The following DNAAF10 variants were observed in gnomAD, a reference collection of about 807,000 sequenced individuals.
The protein encoded by DNAAF10 is WD repeat domain 92.
A neutral mutation model predicts 43.7 loss-of-function variants in DNAAF10; 28 were observed. The ratio of observed to expected loss-of-function variants is 0.64; its 90% CI spans 0.48 to 0.88. The LOEUF (loss-of-function observed/expected upper bound fraction) is 0.88, where lower values mean the gene tolerates loss of function less well. Ranked by LOEUF, DNAAF10 falls within the 40% of genes least tolerant of loss-of-function variation. DNAAF10 has a pLI of 0.00. For missense variants in DNAAF10, 403 were observed against 439.1 expected, an observed-to-expected ratio of 0.92 and a Z score of 0.73; for synonymous variants, 156 against 157.3, an observed-to-expected ratio of 0.99 and a Z score of 0.06.
chr2:68,148,546 C>T (rs933935742), intron 1 of DNAAF10, among the ~76,000 whole-genome samples: 2 of 152,130 alleles, frequency 1.3e-5, no homozygotes, highest in Admixed American at 6.6e-5. Flanking sequence ...CCCCTCCCGC[C>T]GCCAACTCTA....
intron 1 of DNAAF10, among the ~76,000 whole-genome samples, chr2:68,156,299 G>A (rs762142238): frequency 6.6e-6 from 1 of 152,012 alleles, no homozygotes; most frequent in Non-Finnish European, 1.5e-5. Flanking sequence ...TTATCTACCA[G>A]TTTAATCCCT....
intron 1 of DNAAF10, among the ~76,000 whole-genome samples, chr2:68,155,780 G>C (rs2103645416): frequency 1.3e-5 from 2 of 151,838 alleles, no homozygotes; most frequent in South Asian, 4.2e-4. Flanking sequence ...TCATACATTA[G>C]ATAATCTGAA....
At position 68,137,445 on chromosome 2, in the gene DNAAF10, G is replaced by T; in HGVS notation, c.634-12C>A. On this transcript the variant is annotated splice_polypyrimidine_tract_variant and intron_variant, in intron 5 of 7. Transcript: ENST00000295121. ...TCCAAGCTACACACCTGAAAACAGA[G>T]AATACTTATTATTGGTAGTCTCACC... 6.2e-7 allele frequency: 1 copy of T among 1,602,456 alleles called. No individual in the cohort carries two copies. Among genetic ancestry groups the T allele is most frequent in the South Asian group, 1.1e-5 (1 of 89,050 alleles).
At chr2:68,157,195 G>C in intron 1 of DNAAF10, 66 bp downstream of exon 1, 6 of 1,540,502 alleles carry the variant, frequency 3.9e-6, no homozygotes, top group Admixed American at 2.0e-5. Flanking sequence ...CTGGCAAAGA[G>C]GAATGCAGAC....
intron 7 of DNAAF10, among the ~76,000 whole-genome samples, chr2:68,133,131 G>C (rs1174780063): frequency 6.6e-6 from 1 of 152,178 alleles, no homozygotes; most frequent in Non-Finnish European, 1.5e-5. Flanking sequence ...GCTAGAAGAA[G>C]GGAAAGTAGC....
chr2:68,138,219 T>C lies in DNAAF10; in HGVS notation c.633+523A>G, dbSNP rs932845101. On this transcript the variant is annotated intron_variant, in intron 5 of 7. Transcript: ENST00000295121. ...ACAAACAAAAAACCCATTTTTTTTT[T>C]CCATTAGTAAGATCAACAAAACAAT... is the stretch of plus-strand genomic sequence containing the variant. Among the ~76,000 whole-genome samples, 23 of 152,202 alleles carry C rather than the reference T, an allele frequency of 1.5e-4. 1 individual carries two copies. Among genetic ancestry groups the C allele is most frequent in the Admixed American group, 1.3e-3 (20 of 15,284 alleles).
At chr2:68,154,450 G>A (rs999087157) in intron 1 of DNAAF10, among the ~76,000 whole-genome samples, 7 of 151,908 alleles carry the variant, frequency 4.6e-5, no homozygotes, top group Non-Finnish European at 1.0e-4. Flanking sequence ...GTTTCACCGT[G>A]TTAGCCAGGA....
chr2:68,153,145 C>G (rs1673495808), intron 1 of DNAAF10, among the ~76,000 whole-genome samples: 1 of 152,112 alleles, frequency 6.6e-6, no homozygotes, highest in Non-Finnish European at 1.5e-5. Context: ...TTAGCTCCCA[C>G]TTGAGCACTC....
Position 68,147,554 on chromosome 2 carries a change from T to C in DNAAF10, c.197A>G (p.Lys66Arg). 6.2e-7 allele frequency: 1 copy of C among 1,610,094 alleles called. No individual in the cohort carries two copies. The highest frequency in any genetic ancestry group is 8.5e-7 in the Non-Finnish European group (1 of 1,178,482). ...ACCAAATGTTCCACATTTAATAGGT[T>C]TGGCCTTTTCAATCTTCATAGAAGG... ...LKLLREIEKA[K>R]PIKCGTFGAT... The change falls in exon 2 of 8, where the codon AAA (lysine) becomes AGA (arginine). Residue 66 changes from lysine to arginine, a missense_variant. Coordinates refer to ENST00000295121, the MANE Select transcript of DNAAF10 (RefSeq NM_138458.4).
intron 7 of DNAAF10, chr2:68,134,239 T>C: frequency 1.0e-6 from 1 of 994,242 alleles, no homozygotes; most frequent in Non-Finnish European, 1.2e-6. Context: ...TAGTAAAAGC[T>C]TTCATTGTAA....
At chr2:68,138,895 T>C in intron 4 of DNAAF10, 38 bp from the exon 5 acceptor site, 1 of 1,427,314 alleles carries the variant, frequency 7.0e-7, no homozygotes, top group Non-Finnish European at 9.9e-7. Flanking sequence ...TCCTTATAAA[T>C]GCATCCTTAT....
Position 68,157,365 on chromosome 2 carries a change from C to T in DNAAF10, c.79G>A (p.Val27Met). ...FNYTVFDCKW[V>M]PCSAKFVTMG... ...GTCACAAATTTGGCGCTGCAGGGCA[C>T]CCACTTACAGTCAAACACCGTGTAG... is the stretch of plus-strand genomic sequence containing the variant. The change falls in exon 1 of 8, where the codon GTG (valine) becomes ATG (methionine). Residue 27 changes from valine (V) to methionine (M), a missense_variant. Physicochemically the swap from Val to Met is conservative, Grantham distance 21. Coordinates refer to ENST00000295121, the MANE Select transcript of DNAAF10 (RefSeq NM_138458.4). The T allele has an allele frequency of 6.2e-7, 1 of 1,614,176 alleles. No individual in the cohort carries two copies. Among genetic ancestry groups the T allele is most frequent in the Middle Eastern group, 1.6e-4 (1 of 6,062 alleles).
chr2:68,141,688 A>AT lies in DNAAF10; in HGVS notation c.517+5dup. 10 of 1,610,052 alleles carry AT rather than the reference A, an allele frequency of 6.2e-6. No individual in the cohort carries two copies. The highest frequency in any genetic ancestry group is 8.5e-6 in the Non-Finnish European group (10 of 1,178,560). On this transcript the variant is annotated splice_donor_region_variant and intron_variant, in intron 4 of 7. Coordinates refer to ENST00000295121, the MANE Select transcript of DNAAF10 (RefSeq NM_138458.4). ...ATTCAAATGCAAGAATTCTTCAATA[A>AT]TTTACCAAATGCCACAGTCCAACAG...
At chr2:68,153,055 T>C (rs1260867256) in intron 1 of DNAAF10, among the ~76,000 whole-genome samples, 1 of 152,314 alleles carries the variant, frequency 6.6e-6, no homozygotes, top group Middle Eastern at 3.4e-3. Context: ...ATGGTATCTT[T>C]GTGCCAATGA....
chr2:68,151,787 C>T (rs1558612895), intron 1 of DNAAF10, among the ~76,000 whole-genome samples: 1 of 152,174 alleles, frequency 6.6e-6, no homozygotes, highest in African/African-American at 2.4e-5. Flanking sequence ...AAATAGCAAC[C>T]ATCTATTGAA....
Position 68,144,667 on chromosome 2 carries a change from T to C in DNAAF10, c.333A>G (p.Lys111=), listed in dbSNP as rs766024035. Residue 111 remains lysine, a synonymous_variant, in exon 3 of 8, where the codon AAA becomes AAG. Coordinates refer to ENST00000295121, the MANE Select transcript of DNAAF10 (RefSeq NM_138458.4). ...TGCCATCTATGGCATTTATAATTTC[T>C]TTATGGCCCTTTACAGAATATACTG... ...EMPVYSVKGH[K]EIINAIDGIG... The C allele has an allele frequency of 1.4e-5, 23 of 1,613,914 alleles. No individual in the cohort carries two copies. Among genetic ancestry groups the C allele is most frequent in the Non-Finnish European group, 1.8e-5 (21 of 1,180,014 alleles).
intron 2 of DNAAF10, among the ~76,000 whole-genome samples, chr2:68,145,833 C>T (rs1048658082): frequency 1.3e-5 from 2 of 152,166 alleles, no homozygotes; most frequent in African/African-American, 2.4e-5. Flanking sequence ...TGCTTTTCTA[C>T]GGAAACTTCT....
intron 3 of DNAAF10, 109 bp from the exon 4 acceptor site, chr2:68,141,904 T>C: frequency 1.4e-5 from 12 of 859,884 alleles, no homozygotes; most frequent in African/African-American, 3.4e-5. Flanking sequence ...TGACAGATGT[T>C]ATGACATCTG....
Position 68,136,803 on chromosome 2 carries a change from A to T in DNAAF10, c.768+496T>A, listed in dbSNP as rs75017373. 5.3e-4 allele frequency among the ~76,000 whole-genome samples: 81 copies of T among 152,258 alleles called. 1 individual carries two copies. The highest frequency in any genetic ancestry group is 1.8e-3 in the African/African-American group (75 of 41,532). On this transcript the variant is annotated intron_variant, in intron 6 of 7. Coordinates refer to ENST00000295121, the MANE Select transcript of DNAAF10 (RefSeq NM_138458.4). ...CGCATTTCCCTCTCAGCTACCTCAAATGCAAGGCAAAGTTAAGTAAGTAAA... is the reference window on the plus strand; with the variant it reads ...CGCATTTCCCTCTCAGCTACCTCAATTGCAAGGCAAAGTTAAGTAAGTAAA...
Sources: gnomAD v4.1 joint callset for allele counts (sites outside exome capture counted in the v4.1 genomes callset) on GRCh38, gnomAD v4.1.1 for gene constraint, MANE v1.5 for transcripts, NCBI Gene and HGNC (gene_info 2026-07-23, HGNC 2026-07-21) for gene names.